Variants in INPP5A observed in about 807,000 individuals in gnomAD.
INPP5A encodes the protein 43 kDa inositol polyphosphate 5-phophatase.
A neutral mutation model predicts 65.2 loss-of-function variants in INPP5A; 14 were observed. That is an observed-to-expected ratio of 0.21 (90% CI 0.14 to 0.34). The LOEUF (loss-of-function observed/expected upper bound fraction) is 0.34. Among genes scored for constraint, INPP5A ranks in the 10% least tolerant of loss-of-function variants. The pLI, the probability that INPP5A is intolerant of heterozygous loss-of-function variation, is 1.00. For synonymous variants in INPP5A, 207 were observed against 208.3 expected (o/e 0.99, Z 0.05); for missense variants, 431 against 545.6 (o/e 0.79, Z 2.09).
chr10:132,706,979 G>A lies in INPP5A; in HGVS notation c.475-1334G>A, dbSNP rs1042501393. 4.6e-5 allele frequency among the ~76,000 whole-genome samples: 7 copies of A among 152,238 alleles called. No individual in the cohort carries two copies. Among genetic ancestry groups the A allele is most frequent in the South Asian group, 2.1e-4 (1 of 4,836 alleles). ...CATTTGGGCAGCTGTTGTCTGGCAC[G>A]TGCGCATACTGGAGGAGCCAAAGGG... is the stretch of plus-strand genomic sequence containing the variant. On this transcript the variant is annotated intron_variant, in intron 6 of 15. Transcript: ENST00000368594. This position sits in a 1 kb window ranked among gnomAD's most constrained non-coding sequence, Gnocchi z 4.7.
At position 132,650,572 on chromosome 10, in the gene INPP5A, C is replaced by G; in HGVS notation, c.306+67C>G. On this transcript the variant is annotated intron_variant, in intron 4 of 15. Transcript: ENST00000368594. This position sits in a 1 kb window ranked among gnomAD's most constrained non-coding sequence, Gnocchi z 5.5. ...GGCCTTGGCAGAAGCCAGCCCTTCTCCTGTGTAAATGGAGAGAGGTCGGGG... is the reference window on the plus strand; with the variant it reads ...GGCCTTGGCAGAAGCCAGCCCTTCTGCTGTGTAAATGGAGAGAGGTCGGGG... The G allele has an allele frequency of 8.5e-7, 1 of 1,173,554 alleles. No individual in the cohort carries two copies. The highest frequency in any genetic ancestry group is 1.3e-6 in the Non-Finnish European group (1 of 787,502). 72.7% of individuals were successfully genotyped at this position (1,173,554 alleles called of 1,614,324 possible).
intron 1 of INPP5A, among the ~76,000 whole-genome samples, chr10:132,553,849 T>C (rs868590988): frequency 8.0e-4 from 78 of 97,552 alleles, no homozygotes; most frequent in African/African-American, 1.4e-3. Flanking sequence ...GATTGGTGAA[T>C]GCCTTCTCAG....
intron 4 of INPP5A, among the ~76,000 whole-genome samples, chr10:132,668,380 A>T (rs565344612): frequency 2.6e-5 from 4 of 152,324 alleles, no homozygotes; most frequent in Non-Finnish European, 4.4e-5. Context: ...CATGGAAAAA[A>T]TATGGAAATG....
At chr10:132,696,826 C>T (rs1342379855) in intron 5 of INPP5A, among the ~76,000 whole-genome samples, 5 of 151,842 alleles carry the variant, frequency 3.3e-5, no homozygotes, top group African/African-American at 4.8e-5. Context: ...CACCCAGGGC[C>T]GGGCCACACC....
At chr10:132,652,063 C>CTCCTCCCTCTCCCCCTTGGTCCG (rs2133400943) in intron 4 of INPP5A, among the ~76,000 whole-genome samples, 1 of 152,318 alleles carries the variant, frequency 6.6e-6, no homozygotes, top group African/African-American at 2.4e-5. Context: ...CCCTTGGTCC[C>CTCCTCCCTCTCCCCCTTGGTCCG]TCCTCCCTAC....
intron 4 of INPP5A, 43 bp from the exon 5 acceptor site, chr10:132,690,349 C>A (rs1845237493): frequency 1.6e-6 from 2 of 1,218,374 alleles, no homozygotes; most frequent in South Asian, 1.2e-5. Flanking sequence ...TAGAAATATT[C>A]CCAGCACCAG....
chr10:132,638,059 G>A (rs997864315), intron 2 of INPP5A, among the ~76,000 whole-genome samples: 1 of 152,140 alleles, frequency 6.6e-6, no homozygotes, highest in African/African-American at 2.4e-5. Context: ...GCAGTGATTG[G>A]GGTCTGGGAG....
intron 5 of INPP5A, among the ~76,000 whole-genome samples, chr10:132,696,306 C>T (rs1455036150): frequency 3.3e-5 from 5 of 152,128 alleles, no homozygotes; most frequent in Non-Finnish European, 7.4e-5. Flanking sequence ...GTGTGTCATG[C>T]CATTGACAAA....
At chr10:132,693,781 T>G (rs919212532) in intron 5 of INPP5A, among the ~76,000 whole-genome samples, 2 of 152,110 alleles carry the variant, frequency 1.3e-5, no homozygotes, top group African/African-American at 4.8e-5. Flanking sequence ...TTTTCAGCAG[T>G]AAAGAGGGAC....
chr10:132,580,492 A>G (rs964985365), intron 1 of INPP5A, among the ~76,000 whole-genome samples: 3 of 152,188 alleles, frequency 2.0e-5, no homozygotes, highest in African/African-American at 4.8e-5. Flanking sequence ...TGCAACCTCT[A>G]TTCTCCATGA....
chr10:132,750,948 G>T (rs527708213), intron 11 of INPP5A, among the ~76,000 whole-genome samples: 1 of 152,222 alleles, frequency 6.6e-6, no homozygotes, highest in Non-Finnish European at 1.5e-5. Flanking sequence ...GTGTCTGTGT[G>T]TCAGTTTCCC....
Position 132,596,851 on chromosome 10 carries a change from GTGTGTGCA to G in INPP5A, c.76-11057_76-11050del, listed in dbSNP as rs1221491307. On this transcript the variant is annotated intron_variant, in intron 1 of 15. Transcript: ENST00000368594. ...TGCTTGTGTGCGTGTGTGCATGCGTGTGTGTGCATGTGTGTGCATGTGTGTGCATGCAC... is the reference window on the plus strand; with the variant it reads ...TGCTTGTGTGCGTGTGTGCATGCGTGTGTGTGTGCATGTGTGTGCATGCAC... Among the ~76,000 whole-genome samples the G allele has an allele frequency of 4.2e-5, 5 of 118,188 alleles. No homozygotes were observed. In the East Asian group the frequency reaches 9.8e-4, roughly 23 times the overall value. 77.5% of individuals were successfully genotyped at this position (118,188 alleles called of 152,430 possible). A position where few individuals can be genotyped will look rare whatever the true frequency, so the allele number is the denominator to read the frequency against.
At chr10:132,766,702 G>A (rs180829891) in intron 12 of INPP5A, among the ~76,000 whole-genome samples, 332 of 152,250 alleles carry the variant, frequency 2.2e-3, no homozygotes, top group Middle Eastern at 6.8e-3. Context: ...GTGTTCACGC[G>A]TGGAGATGTG....
rs1053253838 is a variant in INPP5A, at chr10:132,644,344, CG to C, written c.118-1520del. Among the ~76,000 whole-genome samples the C allele has an allele frequency of 1.3e-5, 2 of 152,220 alleles. No homozygotes were observed. Among genetic ancestry groups the C allele is most frequent in the African/African-American group, 4.8e-5 (2 of 41,458 alleles). ...CTGCAGCACAGACGGAGCCTGTGCA[CG>C]GGGCCTGGTCAGAGCTGTTTCTGTC... On this transcript the variant is annotated intron_variant, in intron 2 of 15. Transcript: ENST00000368594. The surrounding 1 kb of genome is among the most constrained non-coding windows in gnomAD (Gnocchi z 6.5).
intron 1 of INPP5A, among the ~76,000 whole-genome samples, chr10:132,591,931 G>A (rs2071625029): frequency 6.6e-6 from 1 of 152,230 alleles, no homozygotes; most frequent in African/African-American, 2.4e-5. Context: ...CAGGAGGAAA[G>A]AGCCGGCTCT....
chr10:132,770,392 G>A (rs951210340), intron 12 of INPP5A, among the ~76,000 whole-genome samples: 3 of 152,272 alleles, frequency 2.0e-5, no homozygotes, highest in African/African-American at 7.2e-5. Context: ...GTCAGCCGGG[G>A]TTTGGCTCTC....
At chr10:132,734,949 G>A (rs1242538640) in intron 9 of INPP5A, among the ~76,000 whole-genome samples, 1 of 152,214 alleles carries the variant, frequency 6.6e-6, no homozygotes, top group East Asian at 1.9e-4. Context: ...TGGCAGAGCA[G>A]CTGTGTGGTG....
intron 8 of INPP5A, among the ~76,000 whole-genome samples, chr10:132,715,981 C>A (rs1564979345): frequency 6.6e-6 from 1 of 152,272 alleles, no homozygotes; most frequent in Non-Finnish European, 1.5e-5. Context: ...GCCTCTGTGT[C>A]GCCTTAGCCT....
intron 9 of INPP5A, among the ~76,000 whole-genome samples, chr10:132,733,506 C>G (rs1846122576): frequency 6.6e-6 from 1 of 152,214 alleles, no homozygotes; most frequent in Non-Finnish European, 1.5e-5. Context: ...ACCATCCAAG[C>G]CCCTCTTATG....
Sources: gnomAD v4.1 joint callset for allele counts (sites outside exome capture counted in the v4.1 genomes callset) on GRCh38, gnomAD v4.1.1 for gene constraint, Gnocchi (gnomAD v3.1) non-coding constraint, MANE v1.5 for transcripts, NCBI Gene and HGNC (gene_info 2026-07-23, HGNC 2026-07-21) for gene names.